Variants in PAPPA observed in about 807,000 individuals in gnomAD.
The protein encoded by PAPPA is pappalysin-1.
PAPPA carries 60 observed loss-of-function variants against 164.0 expected under a neutral mutation model. The ratio of observed to expected loss-of-function variants is 0.37; its 90% confidence interval spans 0.30 to 0.45. The LOEUF (loss-of-function observed/expected upper bound fraction) is 0.45, where lower values mean the gene tolerates loss of function less well. Among genes scored for constraint, PAPPA ranks in the 20% least tolerant of loss-of-function variants. The pLI is 1.00. For synonymous variants in PAPPA, 875 were observed against 814.1 expected (o/e 1.07, Z -1.27); for missense variants, 1,782 against 2,087.3 (o/e 0.85, Z 2.85).
chr9:116,382,178 T>TAAGA (rs1554756876), intron 20 of PAPPA, among the ~76,000 whole-genome samples: 1 of 152,078 alleles, frequency 6.6e-6, no homozygotes, highest in Non-Finnish European at 1.5e-5. Context: ...AAAAACTGGG[T>TAAGA]AAGAGTCTTT....
At chr9:116,280,694 C>T (rs1054743604) in intron 9 of PAPPA, among the ~76,000 whole-genome samples, 5 of 152,240 alleles carry the variant, frequency 3.3e-5, no homozygotes, top group African/African-American at 1.2e-4. Flanking sequence ...GCATAATAGC[C>T]ATGTGCATGC....
At chr9:116,285,667 C>T (rs1292631234) in intron 9 of PAPPA, among the ~76,000 whole-genome samples, 1 of 152,172 alleles carries the variant, frequency 6.6e-6, no homozygotes, top group African/African-American at 2.4e-5. Flanking sequence ...GGGTCAGAAT[C>T]CTGTGCCGTC....
At chr9:116,267,800 G>A (rs1057215752) in intron 8 of PAPPA, among the ~76,000 whole-genome samples, 5 of 149,686 alleles carry the variant, frequency 3.3e-5, no homozygotes, top group South Asian at 2.1e-4. Context: ...GCGTGAACCC[G>A]GGAAGCGGAG....
chr9:116,271,430 ATTTC>A lies in PAPPA; in HGVS notation c.2953+17_2953+20del. On this transcript the variant is annotated intron_variant, in intron 9 of 21. Coordinates refer to ENST00000328252, the MANE Select transcript of PAPPA (RefSeq NM_002581.5). This position sits in a 1 kb window ranked among gnomAD's most constrained non-coding sequence, Gnocchi z 4.2. ...TCAATTGTATTGGTACGTCTTTTTC[ATTTC>A]TTGTGGCCTTCATGAAGAAATGAAC... The A allele has an allele frequency of 1.3e-6, 2 of 1,575,776 alleles. No individual in the cohort carries two copies. Among genetic ancestry groups the A allele is most frequent in the Non-Finnish European group, 1.7e-6 (2 of 1,144,932 alleles).
intron 9 of PAPPA, among the ~76,000 whole-genome samples, chr9:116,289,158 A>G (rs76078183): frequency 4.2e-4 from 13 of 30,590 alleles, no homozygotes; most frequent in South Asian, 1.5e-3. Context: ...ATATATATAT[A>G]TAGCATATAT....
chr9:116,382,361 A>G (rs1230227284), intron 20 of PAPPA, 34 bp from the exon 21 acceptor site: 2 of 1,363,852 alleles, frequency 1.5e-6, no homozygotes, highest in Non-Finnish European at 2.1e-6. Flanking sequence ...GATGCTAACA[A>G]GGCCTCATTT....
intron 7 of PAPPA, among the ~76,000 whole-genome samples, chr9:116,265,523 T>C (rs567786612): frequency 4.0e-4 from 61 of 152,342 alleles, no homozygotes; most frequent in Admixed American, 8.5e-4. Context: ...GATGGCTTCC[T>C]CACAAACGTC....
rs1350449003 is a variant in PAPPA at position 116,187,710 on chromosome 9, T to C, written c.972T>C (p.Pro324=). Residue 324 remains proline (P), a synonymous_variant, in exon 2 of 22, where the codon CCT becomes CCC. Coordinates refer to ENST00000328252, the MANE Select transcript of PAPPA (RefSeq NM_002581.5). The surrounding 1 kb of genome is among the most constrained non-coding windows in gnomAD (Gnocchi z 4.2). ...HGFLLDTSLE[P]PLCGQTLCDN... is the part of the protein sequence containing the mutation. ...TTCTGCTGGACACGAGTCTGGAGCC[T>C]CCTCTGTGCGGACAGACATTGTGTG... is the stretch of plus-strand genomic sequence containing the variant. The C allele has an allele frequency of 2.5e-6, 4 of 1,614,226 alleles. No individual in the cohort carries two copies. Among genetic ancestry groups the C allele is most frequent in the Non-Finnish European group, 3.4e-6 (4 of 1,180,030 alleles).
chr9:116,315,215 A>G (rs1023312646), intron 10 of PAPPA, among the ~76,000 whole-genome samples: 22 of 152,174 alleles, frequency 1.4e-4, no homozygotes, highest in African/African-American at 4.3e-4. Flanking sequence ...CCCCTGTTTC[A>G]TCCCTTCACA....
At chr9:116,392,072 GTTTCT>G (rs1469937803) in intron 21 of PAPPA, among the ~76,000 whole-genome samples, 1 of 152,168 alleles carries the variant, frequency 6.6e-6, no homozygotes, top group Non-Finnish European at 1.5e-5. Flanking sequence ...TTGCATCTTA[GTTTCT>G]TTTAAGATGT....
intron 10 of PAPPA, among the ~76,000 whole-genome samples, chr9:116,327,507 C>T (rs1845935754): frequency 1.3e-5 from 2 of 152,016 alleles, no homozygotes; most frequent in African/African-American, 4.8e-5. Context: ...AACTCTCCTG[C>T]ATGTCTCCTC....
At chr9:116,274,569 A>C (rs1268322993) in intron 9 of PAPPA, among the ~76,000 whole-genome samples, 1 of 152,208 alleles carries the variant, frequency 6.6e-6, no homozygotes, top group African/African-American at 2.4e-5. Context: ...CAGTCAGGAG[A>C]TCAGGCATAC....
At chr9:116,383,998 G>C (rs1255719494) in intron 21 of PAPPA, among the ~76,000 whole-genome samples, 1 of 151,870 alleles carries the variant, frequency 6.6e-6, no homozygotes, top group East Asian at 1.9e-4. Flanking sequence ...TTTTATTTTG[G>C]TGTATTTTAT....
intron 10 of PAPPA, among the ~76,000 whole-genome samples, chr9:116,324,269 G>C (rs537843077): frequency 4.1e-4 from 63 of 152,256 alleles, no homozygotes; most frequent in Admixed American, 2.0e-3. Context: ...ATGACCCTAG[G>C]TAAATTACTG....
chr9:116,312,709 T>C (rs1393240924), intron 10 of PAPPA, among the ~76,000 whole-genome samples: 2 of 152,154 alleles, frequency 1.3e-5, no homozygotes, highest in East Asian at 1.9e-4. Context: ...CTCTATTCCT[T>C]CCCATCCTTA....
intron 9 of PAPPA, among the ~76,000 whole-genome samples, chr9:116,281,752 A>G (rs1240198394): frequency 6.6e-6 from 1 of 152,162 alleles, no homozygotes; most frequent in East Asian, 1.9e-4. Context: ...CCTCCATTCA[A>G]TAAATATTTA....
At chr9:116,234,673 G>T (rs1265067397) in intron 6 of PAPPA, among the ~76,000 whole-genome samples, 1 of 152,102 alleles carries the variant, frequency 6.6e-6, no homozygotes, top group African/African-American at 2.4e-5. Flanking sequence ...ACAAAACTCG[G>T]TTCCAATGCT....
chr9:116,183,007 C>A (rs536132212), intron 1 of PAPPA, among the ~76,000 whole-genome samples: 6 of 152,234 alleles, frequency 3.9e-5, no homozygotes, highest in African/African-American at 1.2e-4. Context: ...AGATTGTGTG[C>A]AGAATTGCAT....
At chr9:116,377,095 T>G (rs1475015910) in intron 19 of PAPPA, among the ~76,000 whole-genome samples, 1 of 152,094 alleles carries the variant, frequency 6.6e-6, no homozygotes, top group Admixed American at 6.5e-5. Context: ...CTGATGAAAG[T>G]GGTCTTCAGC....
Sources: allele counts gnomAD v4.1 joint callset (sites outside exome capture counted in the v4.1 genomes callset), GRCh38; gene constraint gnomAD v4.1.1; non-coding constraint Gnocchi (gnomAD v3.1); transcripts MANE v1.5; gene names NCBI Gene and HGNC (gene_info 2026-07-23, HGNC 2026-07-21).